The following FAM222B variants were observed in gnomAD, a reference collection of about 807,000 sequenced individuals.
FAM222B encodes family with sequence similarity 222 member B.
A neutral mutation model predicts 38.0 loss-of-function variants in FAM222B; 12 were observed. That is an observed-to-expected ratio of 0.32 (90% CI 0.20 to 0.51). FAM222B has a LOEUF of 0.51. Ranked by LOEUF, FAM222B falls within the 20% of genes least tolerant of loss-of-function variation. The pLI, the probability that FAM222B is intolerant of heterozygous loss-of-function variation, is 0.97. For missense variants in FAM222B, 716 were observed against 754.2 expected (o/e 0.95, Z 0.59); for synonymous variants, 329 against 317.2 (o/e 1.04, Z -0.40).
chr17:28,790,297 T>C (rs1228984621), intron 1 of FAM222B: 1 of 152,210 alleles, frequency 6.6e-6, no homozygotes, highest in East Asian at 1.9e-4. Flanking sequence ...TGAGTAACTT[T>C]ACTTAGGAAA....
rs184303390 is a variant in FAM222B at position 28,784,843 on chromosome 17, C to T, written c.-40-18136G>A. Among the ~76,000 whole-genome samples, 508 of 151,904 alleles carry T rather than the reference C, an allele frequency of 3.3e-3. 9 individuals carry two copies. The highest frequency in any genetic ancestry group is 2.0e-3 in the Non-Finnish European group (139 of 67,956). On this transcript the variant is annotated intron_variant, in intron 1 of 2. Transcript: ENST00000581407. Reference sequence around the variant, plus strand: ...ACGGCTCATTGAAGCCTCAACCTCCCGGGCTCAAGTGATCCTCCCACCTCA... The same window carrying T: ...ACGGCTCATTGAAGCCTCAACCTCCTGGGCTCAAGTGATCCTCCCACCTCA...
At chr17:28,781,533 G>A (rs1041664085) in intron 1 of FAM222B, among the ~76,000 whole-genome samples, 1 of 152,056 alleles carries the variant, frequency 6.6e-6, no homozygotes, top group African/African-American at 2.4e-5. Flanking sequence ...CCACTACTGG[G>A]CATATATACA....
At chr17:28,838,314 C>T in intron 1 of FAM222B, among the ~76,000 whole-genome samples, 1 of 151,348 alleles carries the variant, frequency 6.6e-6, no homozygotes, top group East Asian at 2.0e-4. Context: ...GGCGCGGTGG[C>T]TCACGCCTGT....
chr17:28,791,785 G>A (rs1212581896), intron 1 of FAM222B, among the ~76,000 whole-genome samples: 1 of 149,018 alleles, frequency 6.7e-6, no homozygotes, highest in Non-Finnish European at 1.5e-5. Flanking sequence ...TCAGTCTCCT[G>A]AGCAGCTGGG....
chr17:28,765,920 T>C (rs944754353), intron 2 of FAM222B, among the ~76,000 whole-genome samples: 1 of 152,200 alleles, frequency 6.6e-6, no homozygotes, highest in African/African-American at 2.4e-5. Context: ...TCTGTTTCCA[T>C]GGTAGACTAC....
intron 2 of FAM222B, among the ~76,000 whole-genome samples, chr17:28,763,669 G>A (rs941671527): frequency 2.0e-4 from 30 of 152,244 alleles, no homozygotes; most frequent in African/African-American, 7.2e-4. Context: ...GCCAGTCACA[G>A]GACTGTCATG....
chr17:28,796,349 C>T lies in FAM222B; in HGVS notation c.-40-29642G>A, dbSNP rs1567848159. On this transcript the variant is annotated intron_variant, in intron 1 of 2. Transcript: ENST00000581407. ...AAACATGAAATTGCTCTCATGGTTT[C>T]CCCACTGCAAATCACTCAGCAATTC... 2.0e-5 allele frequency among the ~76,000 whole-genome samples: 3 copies of T among 152,340 alleles called. No homozygotes were observed. In the East Asian group the frequency reaches 5.8e-4, roughly 29 times the overall value.
rs570973942 is a variant in FAM222B at position 28,810,517 on chromosome 17, C to T, written c.-41+32165G>A. On this transcript the variant is annotated intron_variant, in intron 1 of 2. Coordinates refer to ENST00000581407, the MANE Select transcript of FAM222B (RefSeq NM_001077498.3). ...ATACTAGCTAACTTTGTTTTATATA[C>T]TAGCTAACTCTGTTTTATATACTAG... Among the ~76,000 whole-genome samples, 45 of 150,980 alleles carry T rather than the reference C, an allele frequency of 3.0e-4. 1 individual carries two copies. The highest frequency in any genetic ancestry group is 6.8e-3 in the Middle Eastern group (2 of 292).
intron 1 of FAM222B, among the ~76,000 whole-genome samples, chr17:28,811,750 T>C (rs1341014647): frequency 1.3e-5 from 2 of 152,124 alleles, no homozygotes; most frequent in Non-Finnish European, 1.5e-5. Context: ...TAACCACCAT[T>C]TGACTGGGGC....
upstream of FAM222B, among the ~76,000 whole-genome samples, chr17:28,843,113 G>C (rs551221142): frequency 6.6e-6 from 1 of 151,884 alleles, no homozygotes; most frequent in South Asian, 2.1e-4. Context: ...GTGCTCTGAG[G>C]TGACCACTGA....
intron 1 of FAM222B, among the ~76,000 whole-genome samples, chr17:28,852,964 T>C (rs1256546828): frequency 5.9e-5 from 9 of 151,770 alleles, no homozygotes; most frequent in Non-Finnish European, 1.3e-4. Flanking sequence ...GAGGTTGAGG[T>C]GGGCGGATCA....
chr17:28,794,428 C>T (rs1188175695), intron 1 of FAM222B, among the ~76,000 whole-genome samples: 5 of 151,768 alleles, frequency 3.3e-5, no homozygotes, highest in Non-Finnish European at 1.5e-5. Context: ...ACATGTTGGC[C>T]AGGATGGTCT....
intron 1 of FAM222B, among the ~76,000 whole-genome samples, chr17:28,821,466 C>A (rs2038215822): frequency 6.6e-6 from 1 of 152,154 alleles, no homozygotes; most frequent in Non-Finnish European, 1.5e-5. Context: ...ATCACAACCA[C>A]CCAACAAGCC....
At chr17:28,806,740 T>TA (rs1486453236) in intron 1 of FAM222B, among the ~76,000 whole-genome samples, 2 of 152,058 alleles carry the variant, frequency 1.3e-5, no homozygotes, top group African/African-American at 4.8e-5. Flanking sequence ...ACCAGAAAGA[T>TA]AAAAAAAGCC....
chr17:28,816,878 G>C (rs1309568115), intron 1 of FAM222B, among the ~76,000 whole-genome samples: 7 of 152,116 alleles, frequency 4.6e-5, no homozygotes. Flanking sequence ...GTAGCAAGGT[G>C]TAACAGTAAT....
At chr17:28,797,148 G>GT (rs758553361) in intron 1 of FAM222B, among the ~76,000 whole-genome samples, 1 of 151,798 alleles carries the variant, frequency 6.6e-6, no homozygotes, top group South Asian at 2.1e-4. Flanking sequence ...GATTACAGAC[G>GT]TAAGTCACCA....
chr17:28,791,559 CA>C, intron 1 of FAM222B, among the ~76,000 whole-genome samples: 1 of 141,300 alleles, frequency 7.1e-6, no homozygotes, highest in South Asian at 2.2e-4. Context: ...CATTGGAAAG[CA>C]AAAAACAAAA....
At chr17:28,835,163 G>C (rs938471049) in intron 1 of FAM222B, among the ~76,000 whole-genome samples, 3 of 151,698 alleles carry the variant, frequency 2.0e-5, no homozygotes, top group Non-Finnish European at 4.4e-5. Flanking sequence ...CTCAATCCTA[G>C]CCTCCTGAGT....
chr17:28,824,999 G>A (rs982638961), intron 1 of FAM222B, among the ~76,000 whole-genome samples: 12 of 151,948 alleles, frequency 7.9e-5, no homozygotes, highest in Non-Finnish European at 1.6e-4. Context: ...TCCTGACCTC[G>A]GTGATCCGCC....
Sources: gnomAD v4.1 joint callset for allele counts (sites outside exome capture counted in the v4.1 genomes callset) on GRCh38, gnomAD v4.1.1 for gene constraint, MANE v1.5 for transcripts, NCBI Gene and HGNC (gene_info 2026-07-23, HGNC 2026-07-21) for gene names.